The following PIK3CB variants were observed in gnomAD, a reference collection of about 807,000 sequenced individuals.
The protein encoded by PIK3CB is phosphatidylinositol 4,5-bisphosphate 3-kinase catalytic subunit beta isoform.
In PIK3CB, 39 loss-of-function variants were observed where a neutral mutation model predicts 136.8. That is an observed-to-expected ratio of 0.29 (90% CI 0.22 to 0.37). The LOEUF (loss-of-function observed/expected upper bound fraction) is 0.37. Among genes scored for constraint, PIK3CB ranks in the 10% least tolerant of loss-of-function variants. The pLI is 1.00. For missense variants in PIK3CB, 868 were observed against 1,275.4 expected, an observed-to-expected ratio of 0.68 and a Z score of 4.87; for synonymous variants, 428 against 436.6, an observed-to-expected ratio of 0.98 and a Z score of 0.25.
At chr3:138,725,250 G>A (rs371621126) in intron 8 of PIK3CB, among the ~76,000 whole-genome samples, 1 of 151,608 alleles carries the variant, frequency 6.6e-6, no homozygotes, top group Non-Finnish European at 1.5e-5. Flanking sequence ...TAATAGATAA[G>A]GAGTCCTGAG....
At chr3:138,721,741 C>G (rs1691867926) in intron 8 of PIK3CB, among the ~76,000 whole-genome samples, 1 of 152,102 alleles carries the variant, frequency 6.6e-6, no homozygotes, top group South Asian at 2.1e-4. Context: ...TCTAGAATGA[C>G]TTTTTCCAGA....
At chr3:138,814,233 T>C (rs937778226) in intron 1 of PIK3CB, among the ~76,000 whole-genome samples, 4 of 152,100 alleles carry the variant, frequency 2.6e-5, no homozygotes, top group Non-Finnish European at 5.9e-5. Flanking sequence ...ATCCCAGAGC[T>C]TTGGGAGGCC....
chr3:138,776,615 G>A (rs534566549), intron 2 of PIK3CB, among the ~76,000 whole-genome samples: 1 of 152,106 alleles, frequency 6.6e-6, no homozygotes, highest in Non-Finnish European at 1.5e-5. Context: ...ACGATCGCCT[G>A]AGCCTGGGAG....
intron 2 of PIK3CB, among the ~76,000 whole-genome samples, chr3:138,779,741 G>A (rs1348186249): frequency 1.3e-5 from 2 of 149,822 alleles, no homozygotes; most frequent in African/African-American, 4.9e-5. Context: ...TTGTTGCCCA[G>A]GCTGTCTTGA....
chr3:138,756,443 A>G (rs1026680333), intron 3 of PIK3CB, among the ~76,000 whole-genome samples: 1 of 152,224 alleles, frequency 6.6e-6, no homozygotes, highest in Non-Finnish European at 1.5e-5. Context: ...ATTTTAATTT[A>G]AAGTATGTAT....
At chr3:138,695,699 AATG>A (rs1275939263) in intron 13 of PIK3CB, among the ~76,000 whole-genome samples, 1 of 151,960 alleles carries the variant, frequency 6.6e-6, no homozygotes, top group Non-Finnish European at 1.5e-5. Flanking sequence ...AATACTTTTG[AATG>A]ATTTTTTAAA....
chr3:138,733,299 A>T (rs748561122), intron 8 of PIK3CB, 62 bp downstream of exon 8: 1 of 696,532 alleles, frequency 1.4e-6, no homozygotes, highest in Non-Finnish European at 2.6e-6. Flanking sequence ...ATTATTGAGC[A>T]TATCAGTGAG....
At chr3:138,681,324 G>A (rs929631280) in intron 19 of PIK3CB, among the ~76,000 whole-genome samples, 1 of 152,152 alleles carries the variant, frequency 6.6e-6, no homozygotes, top group Non-Finnish European at 1.5e-5. Context: ...GGGATTACAG[G>A]TGTGTGCCAA....
intron 11 of PIK3CB, among the ~76,000 whole-genome samples, chr3:138,706,133 G>A (rs959471717): frequency 6.6e-6 from 1 of 152,208 alleles, no homozygotes; most frequent in Non-Finnish European, 1.5e-5. Context: ...TGTAATCCCA[G>A]TACCAGGGAT....
chr3:138,655,528 TA>T lies in PIK3CB; in HGVS notation c.3076-3del, dbSNP rs760565315. ...ACTCTTCCCTAATGCAAGAGAGTCCTAAAATGGAAGGGGGAAAATATGATTT... is the reference window on the plus strand; with the variant it reads ...ACTCTTCCCTAATGCAAGAGAGTCCTAAATGGAAGGGGGAAAATATGATTT... On this transcript the variant is annotated splice_region_variant and splice_polypyrimidine_tract_variant and intron_variant, in intron 23 of 23. Coordinates refer to ENST00000674063, the MANE Select transcript of PIK3CB (RefSeq NM_006219.3). 8.1e-6 allele frequency: 13 copies of T among 1,606,968 alleles called. No homozygotes were observed. The East Asian group carries it at 1.3e-4, about 17-fold the overall frequency.
intron 9 of PIK3CB, among the ~76,000 whole-genome samples, chr3:138,713,679 A>G (rs1476749995): frequency 6.6e-6 from 1 of 152,140 alleles, no homozygotes; most frequent in Non-Finnish European, 1.5e-5. Flanking sequence ...TCAAAAGAAA[A>G]AAAGAATAAA....
intron 14 of PIK3CB, among the ~76,000 whole-genome samples, chr3:138,693,916 A>T: frequency 1.6e-5 from 2 of 124,642 alleles, no homozygotes; most frequent in African/African-American, 3.0e-5. Flanking sequence ...TTCAACTTTA[A>T]CTGTAATGTA....
At chr3:138,675,259 T>C (rs186809185) in intron 19 of PIK3CB, among the ~76,000 whole-genome samples, 92 of 151,944 alleles carry the variant, frequency 6.1e-4, no homozygotes, top group African/African-American at 2.0e-3. Flanking sequence ...AGGTCAATTA[T>C]CCAATCAGAG....
At chr3:138,821,490 A>G (rs999628226) in intron 1 of PIK3CB, among the ~76,000 whole-genome samples, 8 of 152,044 alleles carry the variant, frequency 5.3e-5, no homozygotes, top group Non-Finnish European at 1.0e-4. Flanking sequence ...CTCAGTTAGA[A>G]AAAATATTAA....
At chr3:138,822,229 T>C (rs1933589141) in intron 1 of PIK3CB, among the ~76,000 whole-genome samples, 1 of 151,572 alleles carries the variant, frequency 6.6e-6, no homozygotes, top group African/African-American at 2.4e-5. Flanking sequence ...ATATGGAACT[T>C]GACTTTTGAA....
At chr3:138,680,253 G>A (rs1454472105) in intron 19 of PIK3CB, among the ~76,000 whole-genome samples, 4 of 151,736 alleles carry the variant, frequency 2.6e-5, no homozygotes, top group Non-Finnish European at 4.4e-5. Context: ...AGCTACTCGC[G>A]AGGCTGAGGC....
intron 2 of PIK3CB, among the ~76,000 whole-genome samples, chr3:138,794,764 T>G (rs1281902289): frequency 1.3e-5 from 2 of 152,208 alleles, no homozygotes; most frequent in African/African-American, 4.8e-5. Context: ...ATCTGTGGTA[T>G]CTGGGGGGAA....
intron 22 of PIK3CB, chr3:138,657,366 A>G (rs1288271223): frequency 4.4e-6 from 1 of 226,222 alleles, no homozygotes. Flanking sequence ...ACTGTACTCC[A>G]TACACAATGA....
intron 4 of PIK3CB, among the ~76,000 whole-genome samples, chr3:138,747,079 T>TAC (rs1380571221): frequency 1.7e-5 from 1 of 60,384 alleles, no homozygotes; most frequent in African/African-American, 7.3e-5. Context: ...TATATATATA[T>TAC]ATATATATAT....
Sources: allele counts gnomAD v4.1 joint callset (sites outside exome capture counted in the v4.1 genomes callset), GRCh38; gene constraint gnomAD v4.1.1; transcripts MANE v1.5; gene names NCBI Gene and HGNC (gene_info 2026-07-23, HGNC 2026-07-21).